ATL2: variants seen among roughly 807,000 people sequenced by gnomAD.
The protein encoded by ATL2 is atlastin GTPase 2, also known as atlastin-2.
A neutral mutation model predicts 73.9 loss-of-function variants in ATL2; 31 were observed. The ratio of observed to expected loss-of-function variants is 0.42; its 90% CI spans 0.32 to 0.57. The LOEUF is 0.57. Ranked by LOEUF, ATL2 falls within the 20% of genes least tolerant of loss-of-function variation. The pLI, the probability that ATL2 is intolerant of heterozygous loss-of-function variation, is 0.14. For synonymous variants in ATL2, 291 were observed against 237.5 expected (o/e 1.23, Z -2.07); for missense variants, 738 against 702.6 (o/e 1.05, Z -0.57).
At chr2:38,300,884 A>G (rs981152750) in intron 9 of ATL2, among the ~76,000 whole-genome samples, 2 of 151,584 alleles carry the variant, frequency 1.3e-5, no homozygotes, top group Non-Finnish European at 2.9e-5. Context: ...AAGAAGGAAA[A>G]AAAAAAAAAA....
chr2:38,334,028 C>CTTT (rs34303299), intron 2 of ATL2, among the ~76,000 whole-genome samples: 1,249 of 121,600 alleles, frequency 0.01, 58 homozygotes, highest in South Asian at 0.028. Flanking sequence ...ATCCAATCCT[C>CTTT]TTTTTTTTTT....
At position 38,296,029 on chromosome 2, in the gene ATL2, G is replaced by C. The variant is rs1385110308; in HGVS notation, c.1717C>G (p.Gln573Glu). 1 of 1,551,458 alleles carries C rather than the reference G, an allele frequency of 6.4e-7. No homozygotes were observed. Among genetic ancestry groups the C allele is most frequent in the African/African-American group, 1.4e-5 (1 of 73,012 alleles). ...TNSIKAGLTD[Q>E]VSHHARLKTD ...TTTAATCTGGCATGATGAGACACCTGGTCAGTCAGGCCTGCTTTGATAGAG... is the reference window on the plus strand; with the variant it reads ...TTTAATCTGGCATGATGAGACACCTCGTCAGTCAGGCCTGCTTTGATAGAG... The change falls in exon 13 of 13, where the codon CAG becomes GAG. Residue 573 changes from glutamine (Q) to glutamate (E), a missense_variant. Coordinates refer to ENST00000378954, the MANE Select transcript of ATL2 (RefSeq NM_001135673.4).
intron 2 of ATL2, among the ~76,000 whole-genome samples, chr2:38,335,812 C>A (rs1404277830): frequency 1.3e-5 from 2 of 152,170 alleles, no homozygotes; most frequent in Non-Finnish European, 2.9e-5. Context: ...GAGGCTGACA[C>A]AGGCAGACAA....
intron 7 of ATL2, 27 bp downstream of exon 7, chr2:38,313,124 T>A: frequency 6.5e-7 from 1 of 1,537,278 alleles, no homozygotes; most frequent in Non-Finnish European, 9.0e-7. Context: ...GTGCTTATGT[T>A]CTCCTCTTTA....
intron 1 of ATL2, among the ~76,000 whole-genome samples, chr2:38,372,418 T>C (rs979550522): frequency 2.6e-5 from 4 of 152,206 alleles, no homozygotes; most frequent in East Asian, 3.8e-4. Context: ...ACATAGGTTA[T>C]ATGCAAATAC....
chr2:38,358,706 T>G (rs1670829218), intron 1 of ATL2: 1 of 163,402 alleles, frequency 6.1e-6, no homozygotes, highest in Middle Eastern at 2.9e-3. Flanking sequence ...AAAAAAAAAA[T>G]TATTTTAAAA....
At chr2:38,363,477 C>A (rs1202771821) in intron 1 of ATL2, among the ~76,000 whole-genome samples, 1 of 151,996 alleles carries the variant, frequency 6.6e-6, no homozygotes, top group South Asian at 2.1e-4. Context: ...ATCATTTACA[C>A]AGTCTCCCAA....
intron 2 of ATL2, among the ~76,000 whole-genome samples, chr2:38,334,509 C>A (rs1224016519): frequency 6.6e-6 from 1 of 151,722 alleles, no homozygotes; most frequent in Non-Finnish European, 1.5e-5. Flanking sequence ...CAAGACCAGC[C>A]TCAACATGGA....
chr2:38,311,188 T>TA (rs1383608996), intron 7 of ATL2, among the ~76,000 whole-genome samples: 2 of 151,748 alleles, frequency 1.3e-5, no homozygotes, highest in Admixed American at 6.6e-5. Flanking sequence ...AAAGCTAAGA[T>TA]AAAAAAAATT....
At chr2:38,376,217 A>C (rs1156835923) in intron 1 of ATL2, 1 of 1,501,672 alleles carries the variant, frequency 6.7e-7, no homozygotes, top group Non-Finnish European at 8.9e-7. Flanking sequence ...ATCAATTCGC[A>C]CCACAGTGAG....
chr2:38,365,006 T>C (rs1671228722), intron 1 of ATL2, among the ~76,000 whole-genome samples: 1 of 150,910 alleles, frequency 6.6e-6, no homozygotes, highest in Non-Finnish European at 1.5e-5. Context: ...ATCACGCCAC[T>C]GCACTCCAGC....
chr2:38,338,582 A>G (rs188039689), intron 2 of ATL2, among the ~76,000 whole-genome samples: 22 of 152,340 alleles, frequency 1.4e-4, no homozygotes, highest in Admixed American at 7.8e-4. Context: ...TCTTCCCAAC[A>G]GAAGAATCCT....
intron 2 of ATL2, among the ~76,000 whole-genome samples, chr2:38,336,650 A>G (rs745580520): frequency 2.6e-5 from 4 of 152,244 alleles, no homozygotes; most frequent in Non-Finnish European, 5.9e-5. Context: ...TTTACATAAT[A>G]GTTTTTAGAA....
intron 12 of ATL2, chr2:38,296,472 A>G (rs932800095): frequency 6.2e-7 from 1 of 1,601,742 alleles, no homozygotes. Context: ...GAAAAAGGTT[A>G]AAAATACTGT....
chr2:38,351,388 C>A lies in ATL2; in HGVS notation c.119-7876G>T, dbSNP rs1670326798. On this transcript the variant is annotated intron_variant, in intron 1 of 12. Transcript: ENST00000378954. ...TGGTGGCAAAAATTAATGTTGCGTA[C>A]CTCAAAACTGGAAAGTGGCCGAACA... 3.9e-5 allele frequency among the ~76,000 whole-genome samples: 6 copies of A among 152,024 alleles called. No individual in the cohort carries two copies. In the South Asian group the frequency reaches 1.2e-3, roughly 32 times the overall value.
At chr2:38,330,228 A>C (rs1363225745) in intron 2 of ATL2, among the ~76,000 whole-genome samples, 1 of 151,682 alleles carries the variant, frequency 6.6e-6, no homozygotes, top group African/African-American at 2.4e-5. Context: ...AAAAAAAAAA[A>C]AAAACTCCCA....
rs547660753 is a variant in ATL2, at chr2:38,313,877, G to A, written c.712-634C>T. 3.3e-5 allele frequency among the ~76,000 whole-genome samples: 5 copies of A among 152,194 alleles called. No homozygotes were observed. The South Asian group carries it at 1.0e-3, about 32-fold the overall frequency. Reference sequence around the variant, plus strand: ...CCAGACATTAGCAAATGTCCCCTTGGGTGGCAAAATGATCCCAGTTCAGAA... The same window carrying A: ...CCAGACATTAGCAAATGTCCCCTTGAGTGGCAAAATGATCCCAGTTCAGAA... On this transcript the variant is annotated intron_variant, in intron 6 of 12. Transcript: ENST00000378954.
At chr2:38,367,474 C>T (rs113442197) in intron 1 of ATL2, among the ~76,000 whole-genome samples, 17,915 of 148,730 alleles carry the variant, frequency 0.12, 3,145 homozygotes, top group African/African-American at 0.39. Context: ...GGCATGGTGG[C>T]GGGCGCCTGT....
At chr2:38,313,310 C>CT (rs1426750094) in intron 6 of ATL2, 67 bp from the exon 7 acceptor site, 4 of 1,161,920 alleles carry the variant, frequency 3.4e-6, no homozygotes, top group African/African-American at 1.6e-5. Context: ...AATCACAACT[C>CT]TTAACAATTG....
Sources: allele counts gnomAD v4.1 joint callset (sites outside exome capture counted in the v4.1 genomes callset), GRCh38; gene constraint gnomAD v4.1.1; transcripts MANE v1.5; gene names NCBI Gene and HGNC (gene_info 2026-07-23, HGNC 2026-07-21).